Variants in ATRNL1 observed in about 807,000 individuals in gnomAD.
ATRNL1 encodes the protein attractin-like protein 1.
A neutral mutation model predicts 182.7 loss-of-function variants in ATRNL1; 95 were observed. The ratio of observed to expected loss-of-function variants is 0.52; its 90% confidence interval spans 0.44 to 0.62. The LOEUF (loss-of-function observed/expected upper bound fraction) is 0.62. ATRNL1 is among the 20% of genes least tolerant of loss of function. ATRNL1 has a pLI of 0.00. For synonymous variants in ATRNL1, 576 were observed against 568.3 expected, an observed-to-expected ratio of 1.01 and a Z score of -0.19; for missense variants, 1,471 against 1,679.5, an observed-to-expected ratio of 0.88 and a Z score of 2.17.
At chr10:115,609,150 A>T (rs1857020138) in intron 26 of ATRNL1, among the ~76,000 whole-genome samples, 1 of 152,144 alleles carries the variant, frequency 6.6e-6, no homozygotes, top group Non-Finnish European at 1.5e-5. Flanking sequence ...AAAATTCCAA[A>T]TTATTTGTTA....
Position 115,302,060 on chromosome 10 carries a change from A to C in ATRNL1, c.2818+17A>C. The C allele has an allele frequency of 6.3e-7, 1 of 1,581,044 alleles. No individual in the cohort carries two copies. The highest frequency in any genetic ancestry group is 1.4e-5 in the African/African-American group (1 of 74,040). On this transcript the variant is annotated intron_variant, in intron 17 of 28. Coordinates refer to ENST00000355044, the MANE Select transcript of ATRNL1 (RefSeq NM_207303.4). ...CCTGCTCCCGTAAGTATTTATCTAGAGTGACTTTTCACTTGACAGCAACGT... is the reference window on the plus strand; with the variant it reads ...CCTGCTCCCGTAAGTATTTATCTAGCGTGACTTTTCACTTGACAGCAACGT...
chr10:115,266,420 T>A (rs1213600497), intron 11 of ATRNL1, among the ~76,000 whole-genome samples: 6 of 151,662 alleles, frequency 4.0e-5, no homozygotes, highest in Non-Finnish European at 7.4e-5. Context: ...TCTATTTTTT[T>A]AAAACATTGT....
chr10:115,225,079 A>G (rs1210321058), intron 9 of ATRNL1, among the ~76,000 whole-genome samples: 2 of 152,122 alleles, frequency 1.3e-5, no homozygotes, highest in Non-Finnish European at 2.9e-5. Flanking sequence ...AGGTAAGGAA[A>G]ATTTTAGTAT....
intron 26 of ATRNL1, among the ~76,000 whole-genome samples, chr10:115,614,089 T>G (rs1555019949): frequency 6.6e-6 from 1 of 152,046 alleles, no homozygotes; most frequent in Non-Finnish European, 1.5e-5. Flanking sequence ...TCTTCTTGCT[T>G]TTTTAGTTCC....
intron 6 of ATRNL1, among the ~76,000 whole-genome samples, chr10:115,163,003 T>C (rs1846868276): frequency 6.7e-6 from 1 of 149,526 alleles, no homozygotes; most frequent in African/African-American, 2.5e-5. Context: ...TGTCTAGAGT[T>C]AGTTTAAGAG....
chr10:115,352,512 T>C (rs1288333144), intron 19 of ATRNL1, among the ~76,000 whole-genome samples: 2 of 152,220 alleles, frequency 1.3e-5, no homozygotes. Context: ...AGTTTTATTC[T>C]TAATTTCTTA....
chr10:115,277,199 A>G (rs1465618160), intron 13 of ATRNL1, among the ~76,000 whole-genome samples: 2 of 152,074 alleles, frequency 1.3e-5, no homozygotes, highest in Admixed American at 6.6e-5. Flanking sequence ...TATGTTTCTA[A>G]TGAAAATGAA....
chr10:115,751,065 A>C (rs782788953), intron 27 of ATRNL1, among the ~76,000 whole-genome samples: 5 of 152,050 alleles, frequency 3.3e-5, no homozygotes, highest in Non-Finnish European at 7.4e-5. Context: ...GATGAAGATT[A>C]TCCTGGATTA....
chr10:115,333,507 G>A lies in ATRNL1; in HGVS notation c.3038-775G>A, dbSNP rs563400761. On this transcript the variant is annotated intron_variant, in intron 18 of 28. Transcript: ENST00000355044. ...GTACTTTTTTTTTTTTTTTTGAGAC[G>A]GAGTCTTGCTCTGTTGCCCAGGCTG... Among the ~76,000 whole-genome samples the A allele has an allele frequency of 2.8e-4, 39 of 137,004 alleles. 1 individual carries two copies. The East Asian group carries it at 4.3e-3, about 15-fold the overall frequency. The allele number at this position is 137,004 out of a possible 152,430, so 89.9% of individuals were successfully genotyped here. A position where few individuals can be genotyped will look rare whatever the true frequency, so the allele number is the denominator to read the frequency against.
At chr10:115,885,150 T>G (rs568417326) in intron 28 of ATRNL1, among the ~76,000 whole-genome samples, 55 of 152,206 alleles carry the variant, frequency 3.6e-4, no homozygotes, top group African/African-American at 1.3e-3. Context: ...GAACAGTGAC[T>G]GTGTAAGTAG....
chr10:115,120,592 A>G (rs1170030284), intron 2 of ATRNL1, among the ~76,000 whole-genome samples: 2 of 152,086 alleles, frequency 1.3e-5, no homozygotes, highest in Admixed American at 1.3e-4. Flanking sequence ...TTGCTGAGCT[A>G]TGCTATTCAT....
chr10:115,159,601 C>T lies in ATRNL1; in HGVS notation c.830-439C>T, dbSNP rs193009065. ...TAATTTTTAAATGCTTTTACTTCCA[C>T]TATTTTAAAAAAATAAATATTTATT... On this transcript the variant is annotated intron_variant, in intron 5 of 28. Coordinates refer to ENST00000355044, the MANE Select transcript of ATRNL1 (RefSeq NM_207303.4). Among the ~76,000 whole-genome samples, 593 of 151,396 alleles carry T rather than the reference C, an allele frequency of 3.9e-3. 3 individuals are homozygous for T. The highest frequency in any genetic ancestry group is 0.014 in the African/African-American group (567 of 41,396).
Position 115,928,787 on chromosome 10 carries a change from CT to C in ATRNL1, c.4019-15869del, listed in dbSNP as rs539582597. On this transcript the variant is annotated intron_variant, in intron 28 of 28. Transcript: ENST00000355044. The stretch of plus-strand genomic sequence containing the variant: ...ATACATATGATAAAATATTTTTCAA[CT>C]TCTTGGTTCATAGGACTTAATCAGT... 2.6e-3 allele frequency among the ~76,000 whole-genome samples: 401 copies of C among 151,996 alleles called. 1 individual carries two copies. Among genetic ancestry groups the C allele is most frequent in the African/African-American group, 9.1e-3 (378 of 41,496 alleles).
intron 5 of ATRNL1, among the ~76,000 whole-genome samples, chr10:115,146,458 A>G (rs1845975142): frequency 6.6e-6 from 1 of 152,080 alleles, no homozygotes; most frequent in Non-Finnish European, 1.5e-5. Context: ...AGTATTTATC[A>G]TTTCTGTGTT....
At chr10:115,196,314 G>A (rs1848358621) in intron 8 of ATRNL1, among the ~76,000 whole-genome samples, 1 of 152,102 alleles carries the variant, frequency 6.6e-6, no homozygotes, top group African/African-American at 2.4e-5. Context: ...GTATATTATG[G>A]TTATTCTAGT....
chr10:115,546,560 CTG>C (rs1193842226), intron 25 of ATRNL1, among the ~76,000 whole-genome samples: 1 of 142,174 alleles, frequency 7.0e-6, no homozygotes, highest in Non-Finnish European at 1.5e-5. Context: ...GAGTGAGACT[CTG>C]TCTCAAAAAA....
chr10:115,399,383 T>C (rs559493620), intron 20 of ATRNL1, among the ~76,000 whole-genome samples: 8 of 152,252 alleles, frequency 5.3e-5, no homozygotes, highest in Non-Finnish European at 1.0e-4. Flanking sequence ...TTCTGTTTCA[T>C]CCTGGTTCAG....
chr10:115,631,668 A>G (rs563350130), intron 26 of ATRNL1, among the ~76,000 whole-genome samples: 141 of 152,222 alleles, frequency 9.3e-4, no homozygotes, highest in Non-Finnish European at 1.5e-3. Context: ...TCAAAGCATC[A>G]AAGTTATAAT....
chr10:115,572,585 G>A (rs578109804), intron 26 of ATRNL1, among the ~76,000 whole-genome samples: 23 of 152,266 alleles, frequency 1.5e-4, no homozygotes, highest in Admixed American at 7.8e-4. Context: ...TTGAGGTAAA[G>A]TTTGCAATGC....
Sources: gnomAD v4.1 joint callset for allele counts (sites outside exome capture counted in the v4.1 genomes callset) on GRCh38, gnomAD v4.1.1 for gene constraint, MANE v1.5 for transcripts, NCBI Gene and HGNC (gene_info 2026-07-23, HGNC 2026-07-21) for gene names.